COL26A1: variants seen among roughly 807,000 people sequenced by gnomAD.
COL26A1 encodes collagen type XXVI alpha 1 chain, also known as collagen alpha-1(XXVI) chain.
COL26A1 carries 41 observed loss-of-function variants against 59.3 expected under a neutral mutation model. That is an observed-to-expected ratio of 0.69 (90% CI 0.54 to 0.90). The LOEUF (loss-of-function observed/expected upper bound fraction) is 0.90. Ranked by LOEUF, COL26A1 falls within the 40% of genes least tolerant of loss-of-function variation. COL26A1 has a pLI of 0.00. For synonymous variants in COL26A1, 266 were observed against 256.0 expected, an observed-to-expected ratio of 1.04 and a Z score of -0.37; for missense variants, 612 against 602.3, an observed-to-expected ratio of 1.02 and a Z score of -0.17.
chr7:101,441,828 G>A (rs2130358195), intron 2 of COL26A1, among the ~76,000 whole-genome samples: 1 of 152,290 alleles, frequency 6.6e-6, no homozygotes. Flanking sequence ...TGGGTTGGGA[G>A]GAATGAGGTC....
intron 1 of COL26A1, among the ~76,000 whole-genome samples, chr7:101,392,531 A>C (rs1791758708): frequency 6.6e-6 from 1 of 150,764 alleles, no homozygotes; most frequent in African/African-American, 2.4e-5. Context: ...CCTCCTGAGT[A>C]GCTAGGATTA....
rs138485741 is a variant in COL26A1, at chr7:101,494,418, C to T, written c.386-38664C>T. Among the ~76,000 whole-genome samples, 635 of 152,316 alleles carry T rather than the reference C, an allele frequency of 4.2e-3. 4 individuals are homozygous for T. Among genetic ancestry groups the T allele is most frequent in the Middle Eastern group, 6.8e-3 (2 of 294 alleles). On this transcript the variant is annotated intron_variant, in intron 3 of 12. Coordinates refer to ENST00000313669, the MANE Select transcript of COL26A1 (RefSeq NM_001278563.3). ...CAGGGATTACAGATGTGAGCCACTGCGCCTGGCTGTCTATTGCATTGTTGA... is the reference window on the plus strand; with the variant it reads ...CAGGGATTACAGATGTGAGCCACTGTGCCTGGCTGTCTATTGCATTGTTGA...
chr7:101,467,613 A>G (rs1189195014), intron 3 of COL26A1, among the ~76,000 whole-genome samples: 1 of 151,798 alleles, frequency 6.6e-6, no homozygotes, highest in Non-Finnish European at 1.5e-5. Context: ...CACGCCTGTA[A>G]TCCCAGCACT....
At chr7:101,398,990 G>A (rs1319022845) in intron 1 of COL26A1, among the ~76,000 whole-genome samples, 1 of 152,040 alleles carries the variant, frequency 6.6e-6, no homozygotes, top group South Asian at 2.1e-4. Flanking sequence ...AAAATACTCA[G>A]TGTGGGTCAG....
At chr7:101,429,863 G>A (rs1584400560) in intron 2 of COL26A1, among the ~76,000 whole-genome samples, 1 of 152,052 alleles carries the variant, frequency 6.6e-6, no homozygotes, top group South Asian at 2.1e-4. Context: ...CTCTCAAAGT[G>A]CTGGGATTAC....
chr7:101,429,154 T>A (rs994629236), intron 2 of COL26A1, among the ~76,000 whole-genome samples: 1 of 151,962 alleles, frequency 6.6e-6, no homozygotes, highest in Admixed American at 6.6e-5. Flanking sequence ...AAACTCCTGA[T>A]CTTAAGTGAT....
intron 2 of COL26A1, among the ~76,000 whole-genome samples, chr7:101,437,135 G>C (rs1258883087): frequency 6.6e-6 from 1 of 152,216 alleles, no homozygotes; most frequent in Non-Finnish European, 1.5e-5. Flanking sequence ...CCGTGGAGAA[G>C]GATGTCAGAC....
At chr7:101,438,956 G>T (rs1338984568) in intron 2 of COL26A1, among the ~76,000 whole-genome samples, 3 of 152,168 alleles carry the variant, frequency 2.0e-5, no homozygotes, top group East Asian at 1.9e-4. Context: ...GGGATTACAG[G>T]CGTGAGCCAC....
At chr7:101,371,458 G>T (rs886752796) in intron 1 of COL26A1, among the ~76,000 whole-genome samples, 1 of 150,702 alleles carries the variant, frequency 6.6e-6, no homozygotes, top group South Asian at 2.1e-4. Context: ...AGACCAGCTG[G>T]GACAACATAG....
intron 1 of COL26A1, among the ~76,000 whole-genome samples, chr7:101,387,762 A>T (rs1385412280): frequency 4.5e-4 from 14 of 31,000 alleles, no homozygotes; most frequent in East Asian, 1.8e-3. Context: ...ATTTATATAT[A>T]TATATATATA....
intron 3 of COL26A1, among the ~76,000 whole-genome samples, chr7:101,507,337 A>T (rs1794833241): frequency 6.6e-6 from 1 of 152,102 alleles, no homozygotes; most frequent in Non-Finnish European, 1.5e-5. Context: ...GTTGCAAGGG[A>T]TCCCCAACAT....
intron 3 of COL26A1, among the ~76,000 whole-genome samples, chr7:101,528,241 G>C (rs1220736026): frequency 6.6e-6 from 1 of 152,152 alleles, no homozygotes; most frequent in Non-Finnish European, 1.5e-5. Context: ...TCCAGAAATA[G>C]GTCTTTGAGA....
At chr7:101,403,162 C>G (rs181552763) in intron 1 of COL26A1, among the ~76,000 whole-genome samples, 2 of 152,226 alleles carry the variant, frequency 1.3e-5, no homozygotes, top group East Asian at 3.9e-4. Flanking sequence ...CTTAATAATT[C>G]TCCATTCAAG....
At chr7:101,468,201 G>A (rs1404435371) in intron 3 of COL26A1, among the ~76,000 whole-genome samples, 1 of 151,614 alleles carries the variant, frequency 6.6e-6, no homozygotes, top group Non-Finnish European at 1.5e-5. Context: ...TACTCAGGAG[G>A]TTGAGGCAAG....
chr7:101,497,270 ATGACATG>A lies in COL26A1; in HGVS notation c.386-35807_386-35801del, dbSNP rs139931922. ...CACAAACAGAAATAGTTCTGGAAAC[ATGACATG>A]TGACCCAGGGAGCGGGAGGCTCCTC... On this transcript the variant is annotated intron_variant, in intron 3 of 12. Coordinates refer to ENST00000313669, the MANE Select transcript of COL26A1 (RefSeq NM_001278563.3). 1.0e-3 allele frequency among the ~76,000 whole-genome samples: 158 copies of A among 152,276 alleles called. 3 individuals are homozygous for A. The East Asian group carries it at 0.03, about 28-fold the overall frequency.
intron 3 of COL26A1, among the ~76,000 whole-genome samples, chr7:101,507,849 C>T (rs1279926452): frequency 6.6e-6 from 1 of 152,074 alleles, no homozygotes; most frequent in African/African-American, 2.4e-5. Flanking sequence ...CTTTCCACCC[C>T]ACCTGGATAT....
intron 1 of COL26A1, among the ~76,000 whole-genome samples, chr7:101,378,697 TG>T (rs1203903889): frequency 6.6e-6 from 1 of 151,998 alleles, no homozygotes; most frequent in Non-Finnish European, 1.5e-5. Flanking sequence ...GACTGAGTGG[TG>T]GTTTGCAGCC....
rs1167385009 is a variant in COL26A1, at chr7:101,489,735, T to C, written c.385+41948T>C. ...TTTCATTCTTTCTTTCTCTCTCTCT[T>C]TCTCTCTTTCTTTCTTGTCTCTCTT... On this transcript the variant is annotated intron_variant, in intron 3 of 12. Coordinates refer to ENST00000313669, the MANE Select transcript of COL26A1 (RefSeq NM_001278563.3). Among the ~76,000 whole-genome samples the C allele has an allele frequency of 8.8e-4, 90 of 102,652 alleles. 19 individuals are homozygous for C. Among genetic ancestry groups the C allele is most frequent in the African/African-American group, 5.6e-4 (9 of 16,094 alleles). 67.3% of individuals were successfully genotyped at this position (102,652 alleles called of 152,430 possible). A position where few individuals can be genotyped will look rare whatever the true frequency, so the allele number is the denominator to read the frequency against.
In COL26A1 at chr7:101,544,055, A is replaced by G. The variant is rs1293134075; in HGVS notation, c.662A>G (p.Asp221Gly). ...GPAGPPGSKG[D>G]RGQTGEKGPA... is the part of the protein sequence containing the mutation. ...GCAGGCCCCCCCGGGTCTAAAGGTG[A>G]CCGAGGCCAGACAGGAGAGAAGGGT... Residue 221 changes from aspartate (D) to glycine (G), a missense_variant, in exon 6 of 13, where the codon GAC (aspartate) becomes GGC (glycine). Physicochemically the swap from Asp to Gly is moderately conservative, Grantham distance 94. Coordinates refer to ENST00000313669, the MANE Select transcript of COL26A1 (RefSeq NM_001278563.3). 5.0e-6 allele frequency: 8 copies of G among 1,605,294 alleles called. No individual in the cohort carries two copies. Among genetic ancestry groups the G allele is most frequent in the Admixed American group, 1.7e-5 (1 of 58,936 alleles).
Sources: gnomAD v4.1 joint callset for allele counts (sites outside exome capture counted in the v4.1 genomes callset) on GRCh38, gnomAD v4.1.1 for gene constraint, MANE v1.5 for transcripts, NCBI Gene and HGNC (gene_info 2026-07-23, HGNC 2026-07-21) for gene names.